Variants in BTBD10 observed in about 807,000 individuals in gnomAD.
The protein encoded by BTBD10 is BTB domain containing 10.
Under a neutral mutation model 53.2 loss-of-function variants are expected in BTBD10, and 21 were observed. The ratio of observed to expected loss-of-function variants is 0.39; its 90% CI spans 0.28 to 0.57. The LOEUF is 0.57. BTBD10 is among the 20% of genes least tolerant of loss of function. The pLI is 0.53. For missense variants in BTBD10, 360 were observed against 594.7 expected, an observed-to-expected ratio of 0.61 and a Z score of 4.10; for synonymous variants, 149 against 192.7, an observed-to-expected ratio of 0.77 and a Z score of 1.88.
chr11:13,456,034 C>G (rs921622155), intron 1 of BTBD10, among the ~76,000 whole-genome samples: 1 of 152,202 alleles, frequency 6.6e-6, no homozygotes, highest in African/African-American at 2.4e-5. Context: ...TGTTCTACGT[C>G]TGCACTGTCC....
At chr11:13,405,958 A>C in intron 6 of BTBD10, 102 bp from the exon 7 acceptor site, 1 of 1,040,004 alleles carries the variant, frequency 9.6e-7, no homozygotes, top group Non-Finnish European at 1.4e-6. Context: ...CAGCCTACAT[A>C]GGCCCCCTCA....
At chr11:13,390,639 A>G (rs1284144923) in intron 8 of BTBD10, among the ~76,000 whole-genome samples, 1 of 152,132 alleles carries the variant, frequency 6.6e-6, no homozygotes, top group Non-Finnish European at 1.5e-5. Flanking sequence ...GCCCAGCCAC[A>G]TGTGTATGTT....
chr11:13,421,905 A>C, intron 2 of BTBD10, 67 bp from the exon 3 acceptor site: 2 of 1,306,960 alleles, frequency 1.5e-6, no homozygotes, highest in Non-Finnish European at 2.1e-6. Context: ...TTTAAAAGAA[A>C]CACCCAAGTA....
At chr11:13,408,797 C>A (rs1949880109) in intron 6 of BTBD10, among the ~76,000 whole-genome samples, 1 of 152,174 alleles carries the variant, frequency 6.6e-6, no homozygotes, top group Admixed American at 6.5e-5. Flanking sequence ...AAGCCCCTAC[C>A]ATCTCATACC....
intron 6 of BTBD10, among the ~76,000 whole-genome samples, chr11:13,413,052 A>G (rs535486234): frequency 1.3e-5 from 2 of 152,302 alleles, no homozygotes; most frequent in South Asian, 4.1e-4. Context: ...ATTTAATCCT[A>G]TGTATACATG....
intron 2 of BTBD10, among the ~76,000 whole-genome samples, chr11:13,435,292 A>G (rs1950526566): frequency 6.6e-6 from 1 of 152,200 alleles, no homozygotes; most frequent in African/African-American, 2.4e-5. Flanking sequence ...TTTACTAAAT[A>G]ACTACACTGT....
chr11:13,440,055 T>G, intron 2 of BTBD10: 5 of 1,530,746 alleles, frequency 3.3e-6, no homozygotes, highest in Non-Finnish European at 4.4e-6. Context: ...TCTTCAAGAT[T>G]CCTCTGAACA....
chr11:13,403,045 T>C, intron 8 of BTBD10, 123 bp downstream of exon 8: 1 of 628,558 alleles, frequency 1.6e-6, no homozygotes, highest in Admixed American at 3.2e-5. Context: ...TGCATAAGCA[T>C]GTGGTAATCA....
chr11:13,413,979 T>G (rs1176349278), intron 5 of BTBD10, among the ~76,000 whole-genome samples: 1 of 152,248 alleles, frequency 6.6e-6, no homozygotes, highest in Non-Finnish European at 1.5e-5. Flanking sequence ...ATTTTCCTTC[T>G]ACAAGTTATA....
At chr11:13,455,478 G>A (rs1447275812) in intron 1 of BTBD10, among the ~76,000 whole-genome samples, 1 of 152,010 alleles carries the variant, frequency 6.6e-6, no homozygotes, top group African/African-American at 2.4e-5. Flanking sequence ...CATATTTTAA[G>A]CATTTACAAA....
intron 1 of BTBD10, among the ~76,000 whole-genome samples, chr11:13,452,693 A>T (rs925655364): frequency 6.6e-6 from 1 of 152,208 alleles, no homozygotes; most frequent in African/African-American, 2.4e-5. Context: ...AGTAATGAAG[A>T]CGTTTTAGAA....
At chr11:13,394,854 C>G (rs1022481829) in intron 8 of BTBD10, among the ~76,000 whole-genome samples, 1 of 151,882 alleles carries the variant, frequency 6.6e-6, no homozygotes, top group African/African-American at 2.4e-5. Flanking sequence ...CATCCGTGTC[C>G]CTACAAAGGA....
intron 2 of BTBD10, among the ~76,000 whole-genome samples, chr11:13,435,179 T>A (rs933847964): frequency 3.3e-5 from 5 of 152,056 alleles, no homozygotes; most frequent in Non-Finnish European, 5.9e-5. Context: ...GCATGAAAAA[T>A]TTTTTAAAAA....
intron 1 of BTBD10, 116 bp downstream of exon 1, chr11:13,462,976 C>G (rs2134077695): frequency 6.5e-6 from 1 of 153,096 alleles, no homozygotes; most frequent in African/African-American, 2.4e-5. Flanking sequence ...CAGACCACCG[C>G]CGCAGCAGCC....
At chr11:13,428,210 G>C (rs916812608) in intron 2 of BTBD10, among the ~76,000 whole-genome samples, 3 of 152,016 alleles carry the variant, frequency 2.0e-5, no homozygotes, top group South Asian at 4.1e-4. Flanking sequence ...CAACAACTCA[G>C]AATGGACAAA....
rs570529483 is a variant in BTBD10, at chr11:13,429,223, T to G, written c.102-7385A>C. Among the ~76,000 whole-genome samples, 20 of 152,268 alleles carry G rather than the reference T, an allele frequency of 1.3e-4. No homozygotes were observed. In the South Asian group the frequency reaches 3.9e-3, roughly 30 times the overall value. ...TTTACAAGTCAATTTTCTCCCTAAG[T>G]TCATCTACTAGATACAACATAATCC... On this transcript the variant is annotated intron_variant, in intron 2 of 8. Transcript: ENST00000278174.
intron 8 of BTBD10, among the ~76,000 whole-genome samples, chr11:13,389,831 T>C (rs1342006799): frequency 6.6e-6 from 1 of 152,262 alleles, no homozygotes; most frequent in Non-Finnish European, 1.5e-5. Context: ...CGTCTTTATA[T>C]TGCTCTGAGT....
intron 2 of BTBD10, chr11:13,439,806 C>T (rs755236907): frequency 1.5e-5 from 17 of 1,162,198 alleles, no homozygotes; most frequent in Non-Finnish European, 1.9e-5. Context: ...TCACACATAT[C>T]CCTCTCAATC....
At chr11:13,417,619 A>C (rs1407375819) in intron 4 of BTBD10, among the ~76,000 whole-genome samples, 10 of 152,214 alleles carry the variant, frequency 6.6e-5, no homozygotes, top group Non-Finnish European at 1.5e-4. Flanking sequence ...AAACCAGGTT[A>C]TCTGTGCTTT....
Sources: gnomAD v4.1 joint callset for allele counts (sites outside exome capture counted in the v4.1 genomes callset) on GRCh38, gnomAD v4.1.1 for gene constraint, MANE v1.5 for transcripts, NCBI Gene and HGNC (gene_info 2026-07-23, HGNC 2026-07-21) for gene names.